Variants in SLC9C1 observed in about 807,000 individuals in gnomAD.
SLC9C1 encodes the protein sodium/hydrogen exchanger 10.
In SLC9C1, 97 loss-of-function variants were observed where a neutral mutation model predicts 140.9. The observed-to-expected ratio is 0.69, with a 90% CI of 0.58 to 0.82. SLC9C1 has a LOEUF of 0.82. Ranked by LOEUF, SLC9C1 falls within the 40% of genes least tolerant of loss-of-function variation. The probability of loss-of-function intolerance (pLI) is 0.00; values close to 1 mark genes in which losing one functional copy is unlikely to be tolerated. For synonymous variants in SLC9C1, 440 were observed against 442.6 expected, an observed-to-expected ratio of 0.99 and a Z score of 0.07; for missense variants, 1,340 against 1,389.3, an observed-to-expected ratio of 0.96 and a Z score of 0.56.
chr3:112,258,055 G>A (rs1299431007), intron 10 of SLC9C1, among the ~76,000 whole-genome samples: 4 of 152,136 alleles, frequency 2.6e-5, no homozygotes, highest in African/African-American at 9.7e-5. Context: ...AAATGCTGGC[G>A]AGGTTGCAGA....
At chr3:112,208,730 A>G (rs965815538) in intron 15 of SLC9C1, among the ~76,000 whole-genome samples, 1 of 152,168 alleles carries the variant, frequency 6.6e-6, no homozygotes, top group East Asian at 1.9e-4. Flanking sequence ...GATAATTCCT[A>G]TTTTCAGAGA....
chr3:112,165,619 G>A (rs145445484), intron 26 of SLC9C1, among the ~76,000 whole-genome samples: 23 of 152,286 alleles, frequency 1.5e-4, no homozygotes, highest in South Asian at 1.2e-3. Flanking sequence ...CTACCTGATC[G>A]TTCCTCTGGA....
chr3:112,155,854 T>C (rs1219663703), intron 26 of SLC9C1, among the ~76,000 whole-genome samples: 1 of 152,110 alleles, frequency 6.6e-6, no homozygotes, highest in Non-Finnish European at 1.5e-5. Context: ...TTTATTTTAA[T>C]TTTTTTGACA....
At chr3:112,286,558 T>A (rs755585236) in intron 2 of SLC9C1, 146 bp downstream of exon 2, 26 of 596,782 alleles carry the variant, frequency 4.4e-5, no homozygotes, top group Admixed American at 7.6e-5. Context: ...TATTATTGGA[T>A]TCATTTGATT....
rs368473890 is a variant in SLC9C1 at position 112,179,612 on chromosome 3, G to A, written c.2838C>T (p.Leu946=). Residue 946 remains leucine, a synonymous_variant, in exon 23 of 29, where the codon CTC becomes CTT. Transcript: ENST00000305815. ...DFPIIDTDYM[L]SGEIIGEINC... ...TTATCTCTCCTATTATTTCTCCACTGAGCATATAGTCTGTGTCAATTATCG... is the reference window on the plus strand; with the variant it reads ...TTATCTCTCCTATTATTTCTCCACTAAGCATATAGTCTGTGTCAATTATCG... 1 of 1,611,844 alleles carries A rather than the reference G, an allele frequency of 6.2e-7. No homozygotes were observed. The highest frequency in any genetic ancestry group is 8.5e-7 in the Non-Finnish European group (1 of 1,179,114).
intron 13 of SLC9C1, among the ~76,000 whole-genome samples, chr3:112,229,591 AG>A (rs2078767726): frequency 6.6e-6 from 1 of 151,980 alleles, no homozygotes; most frequent in African/African-American, 2.4e-5. Flanking sequence ...ATCAAGCAAA[AG>A]GGTGTATAGA....
intron 20 of SLC9C1, chr3:112,185,418 G>A: frequency 8.1e-7 from 1 of 1,238,950 alleles, no homozygotes; most frequent in Non-Finnish European, 1.1e-6. Context: ...AGGCACTCAG[G>A]GGTGGGGGGG....
At chr3:112,141,925 TC>T (rs1346852069) in intron 28 of SLC9C1, among the ~76,000 whole-genome samples, 1 of 152,202 alleles carries the variant, frequency 6.6e-6, no homozygotes, top group Non-Finnish European at 1.5e-5. Flanking sequence ...TTTACATTGA[TC>T]TATACAACCA....
At chr3:112,269,346 T>G (rs12486083) in intron 7 of SLC9C1, among the ~76,000 whole-genome samples, 45,069 of 152,084 alleles carry the variant, frequency 0.3, 7,239 homozygotes, top group East Asian at 0.43. Flanking sequence ...CTGGGCTCAG[T>G]TGATCCTCCT....
chr3:112,204,232 G>A lies in SLC9C1; in HGVS notation c.2158C>T (p.Leu720=), dbSNP rs1255459394. 6.7e-7 allele frequency: 1 copy of A among 1,500,436 alleles called. No individual in the cohort carries two copies. The highest frequency in any genetic ancestry group is 8.8e-7 in the Non-Finnish European group (1 of 1,131,718). 92.9% of individuals were successfully genotyped at this position (1,500,436 alleles called of 1,614,324 possible). A position where few individuals can be genotyped will look rare whatever the true frequency, so the allele number is the denominator to read the frequency against. The change falls in exon 17 of 29, where the codon CTA becomes TTA. Residue 720 remains leucine, a synonymous_variant. Transcript: ENST00000305815. Reference sequence around the variant, plus strand: ...TGGTTCTTTACCTTGAAAATGCGTAGTATACGAAAAAATTGAACAACTTTT... The same window carrying A: ...TGGTTCTTTACCTTGAAAATGCGTAATATACGAAAAAATTGAACAACTTTT... ...FIKVVQFFRI[L]RIFKLIAPKL...
intron 1 of SLC9C1, among the ~76,000 whole-genome samples, chr3:112,292,009 A>G (rs1297116612): frequency 6.6e-6 from 1 of 152,218 alleles, no homozygotes; most frequent in African/African-American, 2.4e-5. Flanking sequence ...TAGCAAACTA[A>G]TGCAGGAACA....
rs375080166 is a variant in SLC9C1, at chr3:112,292,629, T to C, written c.-88+1464A>G. On this transcript the variant is annotated intron_variant, in intron 1 of 28. Transcript: ENST00000305815. ...TGCGATCTCGGCTCACTGCAAGCTC[T>C]GCCTCCCGGGTTCACACCATTCTCC... Among the ~76,000 whole-genome samples the C allele has an allele frequency of 2.0e-3, 297 of 152,072 alleles. 8 individuals are homozygous for C. The East Asian group carries it at 0.051, about 26-fold the overall frequency.
rs143658672 is a variant in SLC9C1, at chr3:112,275,824, G to A, written c.485-799C>T. Among the ~76,000 whole-genome samples, 22 of 152,186 alleles carry A rather than the reference G, an allele frequency of 1.4e-4. No homozygotes were observed. In the East Asian group the frequency reaches 4.2e-3, roughly 29 times the overall value. ...CTTGGCCATTCCATACTTCACATCT[G>A]CCTGTATCTATGCCCTTCGCTGTAA... On this transcript the variant is annotated intron_variant, in intron 5 of 28. Coordinates refer to ENST00000305815, the MANE Select transcript of SLC9C1 (RefSeq NM_183061.3).
At chr3:112,281,877 T>C (rs2108350817) in intron 2 of SLC9C1, among the ~76,000 whole-genome samples, 1 of 152,294 alleles carries the variant, frequency 6.6e-6, no homozygotes, top group South Asian at 2.1e-4. Context: ...GAGACAATGC[T>C]CCAAAGAGAA....
chr3:112,256,956 T>G (rs2079624928), intron 10 of SLC9C1, among the ~76,000 whole-genome samples: 1 of 151,980 alleles, frequency 6.6e-6, no homozygotes, highest in Admixed American at 6.6e-5. Flanking sequence ...TCAATCCCAT[T>G]CATAATTGCC....
intron 12 of SLC9C1, among the ~76,000 whole-genome samples, chr3:112,234,752 T>A (rs1021080615): frequency 6.6e-5 from 10 of 152,212 alleles, no homozygotes; most frequent in African/African-American, 2.4e-4. Context: ...CTCCATTTCT[T>A]GTTTTTGTCA....
At chr3:112,239,532 G>A (rs1216689911) in intron 12 of SLC9C1, among the ~76,000 whole-genome samples, 11 of 152,302 alleles carry the variant, frequency 7.2e-5, no homozygotes, top group South Asian at 2.1e-4. Flanking sequence ...GAAATCACCC[G>A]TCTTCTGCAT....
chr3:112,247,276 A>G (rs375295896), intron 10 of SLC9C1, among the ~76,000 whole-genome samples: 2 of 152,190 alleles, frequency 1.3e-5, no homozygotes, highest in East Asian at 3.8e-4. Context: ...GCAATAGGCA[A>G]CATCTATTTT....
At chr3:112,242,710 C>T (rs1238538205) in intron 11 of SLC9C1, among the ~76,000 whole-genome samples, 1 of 152,116 alleles carries the variant, frequency 6.6e-6, no homozygotes, top group Non-Finnish European at 1.5e-5. Flanking sequence ...AAAGGATAAA[C>T]ACCTGAGGTG....
Sources: allele counts gnomAD v4.1 joint callset (sites outside exome capture counted in the v4.1 genomes callset), GRCh38; gene constraint gnomAD v4.1.1; transcripts MANE v1.5; gene names NCBI Gene and HGNC (gene_info 2026-07-23, HGNC 2026-07-21).